Variants in KCTD16 observed in about 807,000 individuals in gnomAD.
The protein encoded by KCTD16 is potassium channel tetramerization domain containing 16.
Under a neutral mutation model 33.2 loss-of-function variants are expected in KCTD16, and 13 were observed. That is an observed-to-expected ratio of 0.39 (90% CI 0.25 to 0.62). The LOEUF (loss-of-function observed/expected upper bound fraction) is 0.62, where lower values mean the gene tolerates loss of function less well. KCTD16 is among the 20% of genes least tolerant of loss of function. KCTD16 has a pLI of 0.50. For missense variants in KCTD16, 441 were observed against 525.1 expected (o/e 0.84, Z 1.57); for synonymous variants, 197 against 195.3 (o/e 1.01, Z -0.07).
intron 3 of KCTD16, among the ~76,000 whole-genome samples, chr5:144,304,338 T>C (rs1751531676): frequency 6.6e-6 from 1 of 152,198 alleles, no homozygotes; most frequent in Non-Finnish European, 1.5e-5. Flanking sequence ...ATCTTTCTGC[T>C]GCACTTAGCT....
chr5:144,220,369 A>G (rs546317465), intron 3 of KCTD16, among the ~76,000 whole-genome samples: 3 of 152,172 alleles, frequency 2.0e-5, no homozygotes, highest in South Asian at 2.1e-4. Flanking sequence ...TTCCCTCTAT[A>G]TATGAACTGT....
chr5:144,436,590 C>CTTTT (rs112607433), intron 3 of KCTD16, among the ~76,000 whole-genome samples: 1 of 142,390 alleles, frequency 7.0e-6, no homozygotes, highest in African/African-American at 2.6e-5. Context: ...TGTTTAACTT[C>CTTTT]TTTTTTTTTT....
In KCTD16 at chr5:144,396,933, T is replaced by TA. The variant is rs1180676815; in HGVS notation, c.833-76727_833-76726insA. On this transcript the variant is annotated intron_variant, in intron 3 of 3. Transcript: ENST00000512467. The stretch of plus-strand genomic sequence containing the variant: ...TTTATTATATATATATATATATATA[T>TA]TTTATTATACTTTAAGTTCTAGGGT... Among the ~76,000 whole-genome samples, 13 of 119,742 alleles carry TA rather than the reference T, an allele frequency of 1.1e-4. 1 individual carries two copies. In the South Asian group the frequency reaches 1.7e-3, roughly 16 times the overall value. 78.6% of individuals were successfully genotyped at this position (119,742 alleles called of 152,430 possible). A position where few individuals can be genotyped will look rare whatever the true frequency, so the allele number is the denominator to read the frequency against.
intron 3 of KCTD16, among the ~76,000 whole-genome samples, chr5:144,300,980 C>T (rs945004245): frequency 6.6e-6 from 1 of 152,122 alleles, no homozygotes; most frequent in Admixed American, 6.5e-5. Flanking sequence ...CAGTGGCTTA[C>T]TCCTGTAATC....
intron 3 of KCTD16, among the ~76,000 whole-genome samples, chr5:144,413,258 A>AG (rs1007531275): frequency 3.3e-5 from 5 of 152,206 alleles, no homozygotes; most frequent in African/African-American, 9.6e-5. Flanking sequence ...GCATGCACAG[A>AG]GGAAACATCA....
chr5:144,345,705 A>T (rs244531), intron 3 of KCTD16, among the ~76,000 whole-genome samples: 37,677 of 151,654 alleles, frequency 0.25, 4,844 homozygotes, highest in Non-Finnish European at 0.28. Flanking sequence ...TTAAAAAAAA[A>T]TTAGATTTTA....
intron 3 of KCTD16, chr5:144,384,041 T>C (rs1456860025): frequency 6.6e-6 from 1 of 152,214 alleles, no homozygotes; most frequent in East Asian, 1.9e-4. Context: ...TATTAGTCTT[T>C]GTGCAATGGA....
chr5:144,173,075 T>A (rs1752429172), intron 1 of KCTD16, among the ~76,000 whole-genome samples: 1 of 152,186 alleles, frequency 6.6e-6, no homozygotes, highest in African/African-American at 2.4e-5. Context: ...GTGTGGCGAA[T>A]CCTCAAAGAC....
intron 3 of KCTD16, among the ~76,000 whole-genome samples, chr5:144,290,239 G>T (rs1016118797): frequency 3.9e-5 from 6 of 152,130 alleles, no homozygotes; most frequent in Non-Finnish European, 5.9e-5. Context: ...AGATTGCAGT[G>T]AGCTGAGATG....
intron 3 of KCTD16, among the ~76,000 whole-genome samples, chr5:144,328,522 A>AT (rs973456390): frequency 2.3e-4 from 34 of 147,350 alleles, no homozygotes; most frequent in East Asian, 1.2e-3. Context: ...TATTTTTTTT[A>AT]TTTTTTTTTA....
At chr5:144,316,335 C>G (rs911802671) in intron 3 of KCTD16, among the ~76,000 whole-genome samples, 20 of 152,068 alleles carry the variant, frequency 1.3e-4, no homozygotes, top group Admixed American at 1.1e-3. Flanking sequence ...AGAACTCTAC[C>G]TACTAGGTAA....
chr5:144,251,248 G>A (rs183739102), intron 3 of KCTD16, among the ~76,000 whole-genome samples: 2 of 152,114 alleles, frequency 1.3e-5, no homozygotes, highest in Admixed American at 1.3e-4. Flanking sequence ...AAGGTAGTAG[G>A]GGGTGGTGTG....
intron 3 of KCTD16, among the ~76,000 whole-genome samples, chr5:144,276,975 T>C (rs1361978044): frequency 6.6e-6 from 1 of 151,794 alleles, no homozygotes; most frequent in East Asian, 1.9e-4. Flanking sequence ...AATTATAACA[T>C]AATGACAGTC....
At chr5:144,254,777 T>C (rs1193678458) in intron 3 of KCTD16, among the ~76,000 whole-genome samples, 2 of 140,602 alleles carry the variant, frequency 1.4e-5, no homozygotes, top group East Asian at 2.1e-4. Flanking sequence ...TTTGTCTTTC[T>C]TTTTTTTTTA....
chr5:144,423,226 C>T (rs569168287), intron 3 of KCTD16, among the ~76,000 whole-genome samples: 26 of 152,176 alleles, frequency 1.7e-4, no homozygotes, highest in Admixed American at 2.6e-4. Flanking sequence ...GCAAAGACAC[C>T]GGTCACATAA....
At chr5:144,321,811 A>G (rs1752080132) in intron 3 of KCTD16, among the ~76,000 whole-genome samples, 1 of 152,158 alleles carries the variant, frequency 6.6e-6, no homozygotes, top group Non-Finnish European at 1.5e-5. Context: ...TTCAGTTTCA[A>G]GCATGTCTTC....
intron 3 of KCTD16, among the ~76,000 whole-genome samples, chr5:144,233,339 T>G (rs1190573245): frequency 1.3e-5 from 2 of 152,186 alleles, no homozygotes; most frequent in African/African-American, 2.4e-5. Flanking sequence ...TCATTTTTAA[T>G]TCATTGGCTT....
intron 3 of KCTD16, among the ~76,000 whole-genome samples, chr5:144,226,166 G>A: frequency 6.6e-6 from 1 of 152,196 alleles, no homozygotes; most frequent in Non-Finnish European, 1.5e-5. Context: ...ACTGTGGTAA[G>A]TGCTTTGCAG....
chr5:144,269,164 G>T (rs888011644), intron 3 of KCTD16, among the ~76,000 whole-genome samples: 2 of 151,866 alleles, frequency 1.3e-5, no homozygotes, highest in African/African-American at 2.4e-5. Context: ...TGGGAAAAGG[G>T]GCAGAGAGAA....
Sources: allele counts gnomAD v4.1 joint callset (sites outside exome capture counted in the v4.1 genomes callset), GRCh38; gene constraint gnomAD v4.1.1; transcripts MANE v1.5; gene names NCBI Gene and HGNC (gene_info 2026-07-23, HGNC 2026-07-21).